Variants in SLC49A4 observed in about 807,000 individuals in gnomAD.
The protein encoded by SLC49A4 is disrupted in renal cancer protein 2.
SLC49A4 carries 36 observed loss-of-function variants against 50.6 expected under a neutral mutation model. That is an observed-to-expected ratio of 0.71 (90% CI 0.55 to 0.94). The LOEUF (loss-of-function observed/expected upper bound fraction) is 0.94, where lower values mean the gene tolerates loss of function less well. Among genes scored for constraint, SLC49A4 ranks in the 40% least tolerant of loss-of-function variants. The probability of loss-of-function intolerance (pLI) is 0.00; values close to 1 mark genes in which losing one functional copy is unlikely to be tolerated. For synonymous variants in SLC49A4, 248 were observed against 241.2 expected, an observed-to-expected ratio of 1.03 and a Z score of -0.26; for missense variants, 503 against 605.7, an observed-to-expected ratio of 0.83 and a Z score of 1.78.
At chr3:122,808,965 G>C (rs946195684) in intron 2 of SLC49A4, among the ~76,000 whole-genome samples, 2 of 152,168 alleles carry the variant, frequency 1.3e-5, no homozygotes, top group African/African-American at 4.8e-5. Context: ...GAATGGAAAG[G>C]ATGGCACAGA....
rs757259181 is a variant in SLC49A4, at chr3:122,795,153, G to T, written c.-40G>T. The T allele has an allele frequency of 7.6e-7, 1 of 1,307,324 alleles. No homozygotes were observed. Among genetic ancestry groups the T allele is most frequent in the Non-Finnish European group, 9.6e-7 (1 of 1,036,928 alleles). 81.0% of individuals were successfully genotyped at this position (1,307,324 alleles called of 1,614,324 possible). On this transcript the variant is annotated 5_prime_UTR_variant, in exon 1 of 9. Coordinates refer to ENST00000261038, the MANE Select transcript of SLC49A4 (RefSeq NM_032839.3). ...GCGCTGGGCTAGTCGGCGGTGACCC[G>T]GACTGCGCCCGGCAGTGGCTTCGCG...
intron 2 of SLC49A4, among the ~76,000 whole-genome samples, chr3:122,809,337 T>C (rs1005276751): frequency 9.8e-5 from 15 of 152,314 alleles, no homozygotes; most frequent in African/African-American, 3.6e-4. Flanking sequence ...TCTTAATTTT[T>C]CAAACACCCA....
chr3:122,860,363 T>A (rs1341132148), intron 7 of SLC49A4, among the ~76,000 whole-genome samples, 161 bp downstream of exon 7: 2 of 152,174 alleles, frequency 1.3e-5, no homozygotes, highest in Non-Finnish European at 2.9e-5. Context: ...ATCTAAAGAG[T>A]CCAAAAAATA....
At chr3:122,812,142 G>T (rs1203120310) in intron 2 of SLC49A4, among the ~76,000 whole-genome samples, 2 of 152,048 alleles carry the variant, frequency 1.3e-5, no homozygotes, top group East Asian at 3.9e-4. Flanking sequence ...TTTTTGTAGA[G>T]ACAGAGTCCC....
chr3:122,825,015 G>A (rs954934206), intron 2 of SLC49A4, among the ~76,000 whole-genome samples: 1 of 152,102 alleles, frequency 6.6e-6, no homozygotes, highest in Admixed American at 6.5e-5. Context: ...TTACAGGCAT[G>A]AGCCACTGTT....
chr3:122,856,574 C>T (rs1279986914), intron 6 of SLC49A4, among the ~76,000 whole-genome samples, 200 bp downstream of exon 6: 4 of 152,180 alleles, frequency 2.6e-5, no homozygotes, highest in South Asian at 2.1e-4. Flanking sequence ...TGGTGGCTCA[C>T]GCCTATAATC....
At chr3:122,811,857 G>GT (rs1408671980) in intron 2 of SLC49A4, among the ~76,000 whole-genome samples, 1 of 152,202 alleles carries the variant, frequency 6.6e-6, no homozygotes, top group Non-Finnish European at 1.5e-5. Flanking sequence ...GGTATCATTG[G>GT]TTTTTTCTGG....
chr3:122,870,605 T>G (rs981385226), intron 7 of SLC49A4, among the ~76,000 whole-genome samples: 3 of 148,014 alleles, frequency 2.0e-5, no homozygotes, highest in Middle Eastern at 3.5e-3. Flanking sequence ...GGTCAGGAGT[T>G]CGAGACCAGC....
chr3:122,825,169 T>C (rs1265218192), intron 2 of SLC49A4, among the ~76,000 whole-genome samples: 1 of 152,230 alleles, frequency 6.6e-6, no homozygotes, highest in Non-Finnish European at 1.5e-5. Context: ...ATGAGTCTAA[T>C]ACCTCATTAA....
At chr3:122,810,395 C>G (rs141248064) in intron 2 of SLC49A4, among the ~76,000 whole-genome samples, 2 of 152,034 alleles carry the variant, frequency 1.3e-5, no homozygotes, top group African/African-American at 4.8e-5. Flanking sequence ...CAAAATAATA[C>G]CCCAAAAAAA....
At chr3:122,850,986 T>C (rs1421060007) in intron 5 of SLC49A4, among the ~76,000 whole-genome samples, 1 of 152,214 alleles carries the variant, frequency 6.6e-6, no homozygotes, top group African/African-American at 2.4e-5. Context: ...TTGGCAGTTA[T>C]AGACTCTTTT....
intron 3 of SLC49A4, among the ~76,000 whole-genome samples, chr3:122,827,524 T>C (rs1190268328): frequency 1.3e-5 from 2 of 152,250 alleles, no homozygotes; most frequent in Non-Finnish European, 2.9e-5. Flanking sequence ...TTTATCCTCA[T>C]TTCCTACTCT....
intron 2 of SLC49A4, 137 bp from the exon 3 acceptor site, chr3:122,826,663 T>A: frequency 1.2e-6 from 1 of 814,898 alleles, no homozygotes; most frequent in Non-Finnish European, 1.9e-6. Flanking sequence ...AATCAACATG[T>A]CTTTTAGGCA....
chr3:122,813,403 C>T (rs1411182528), intron 2 of SLC49A4, among the ~76,000 whole-genome samples: 1 of 152,018 alleles, frequency 6.6e-6, no homozygotes, highest in Non-Finnish European at 1.5e-5. Flanking sequence ...TTGTTCGGTA[C>T]ATCATACAGA....
chr3:122,799,226 A>C (rs1936096043), intron 1 of SLC49A4, among the ~76,000 whole-genome samples: 2 of 152,224 alleles, frequency 1.3e-5, no homozygotes, highest in South Asian at 4.1e-4. Context: ...AGTGATATTG[A>C]TACTTGCTTT....
chr3:122,832,887 C>A (rs938114376), intron 3 of SLC49A4, among the ~76,000 whole-genome samples: 1 of 152,020 alleles, frequency 6.6e-6, no homozygotes, highest in African/African-American at 2.4e-5. Flanking sequence ...TATCTCTATA[C>A]GTCTCAGACT....
chr3:122,855,405 A>G (rs895304950), intron 5 of SLC49A4, among the ~76,000 whole-genome samples: 6 of 152,180 alleles, frequency 3.9e-5, no homozygotes, highest in Non-Finnish European at 8.8e-5. Context: ...GAGACATGAA[A>G]TTTCATTCAT....
Position 122,795,309 on chromosome 3 carries a change from G to A in SLC49A4, c.117G>A (p.Ala39=), listed in dbSNP as rs563930018. The A allele has an allele frequency of 6.8e-6, 10 of 1,469,304 alleles. No individual in the cohort carries two copies. The South Asian group carries it at 7.9e-5, about 12-fold the overall frequency. 91.0% of individuals were successfully genotyped at this position (1,469,304 alleles called of 1,614,324 possible). ...AGGCGGCGGCGGCGGCGCTGCCCGC[G>A]GCGGTCCCGGGTCCCGGGCGGGTAT... ...SREAAAAALP[A]AVPGPGRVYG... Residue 39 remains alanine, a synonymous_variant, in exon 1 of 9, where the codon GCG becomes GCA. Transcript: ENST00000261038.
intron 7 of SLC49A4, among the ~76,000 whole-genome samples, chr3:122,864,869 C>T (rs1420792057): frequency 6.6e-6 from 1 of 152,046 alleles, no homozygotes; most frequent in Non-Finnish European, 1.5e-5. Context: ...AAAAAATTAC[C>T]AGATATCATG....
Sources: gnomAD v4.1 joint callset for allele counts (sites outside exome capture counted in the v4.1 genomes callset) on GRCh38, gnomAD v4.1.1 for gene constraint, MANE v1.5 for transcripts, NCBI Gene and HGNC (gene_info 2026-07-23, HGNC 2026-07-21) for gene names.